Variants in FSTL4 observed in about 807,000 individuals in gnomAD.
FSTL4 encodes the protein follistatin-related protein 4.
Under a neutral mutation model 78.2 loss-of-function variants are expected in FSTL4, and 28 were observed. That is an observed-to-expected ratio of 0.36 (90% CI 0.27 to 0.49). FSTL4 has a LOEUF of 0.49. Among genes scored for constraint, FSTL4 ranks in the 20% least tolerant of loss-of-function variants. The pLI is 0.98. For missense variants in FSTL4, 922 were observed against 1,084.9 expected (o/e 0.85, Z 2.11); for synonymous variants, 422 against 440.5 (o/e 0.96, Z 0.53).
chr5:133,730,426 C>A, the FSTL4 span, among the ~76,000 whole-genome samples: 1 of 152,164 alleles, frequency 6.6e-6, no homozygotes, highest in Admixed American at 6.5e-5. Flanking sequence ...CTTTTATTCC[C>A]AGCTGTGTGA....
At chr5:133,571,251 C>T (rs569778985) in intron 2 of FSTL4, among the ~76,000 whole-genome samples, 1 of 152,280 alleles carries the variant, frequency 6.6e-6, no homozygotes, top group South Asian at 2.1e-4. Flanking sequence ...CAAATTATTC[C>T]TATTCTTGAG....
At chr5:133,371,910 G>C (rs1755314726) in intron 4 of FSTL4, among the ~76,000 whole-genome samples, 1 of 152,210 alleles carries the variant, frequency 6.6e-6, no homozygotes. Context: ...CCAGGGACGG[G>C]AAGCCCACTT....
At chr5:133,667,491 A>C in the FSTL4 span, among the ~76,000 whole-genome samples, 1 of 152,086 alleles carries the variant, frequency 6.6e-6, no homozygotes, top group African/African-American at 2.4e-5. Flanking sequence ...AAGTCCTTTA[A>C]ATGGTCCATA....
At chr5:133,331,962 G>A (rs1010314238) in intron 4 of FSTL4, among the ~76,000 whole-genome samples, 6 of 152,196 alleles carry the variant, frequency 3.9e-5, no homozygotes, top group Non-Finnish European at 7.3e-5. Flanking sequence ...TGTGAAAGTC[G>A]GTGCCAGGCG....
Position 133,225,545 on chromosome 5 carries a change from A to T in FSTL4, c.1177+113T>A, listed in dbSNP as rs1053452219. The T allele has an allele frequency of 3.8e-6, 4 of 1,041,806 alleles. No individual in the cohort carries two copies. In the African/African-American group the frequency reaches 4.8e-5, roughly 12 times the overall value. 64.5% of individuals were successfully genotyped at this position (1,041,806 alleles called of 1,614,324 possible). On this transcript the variant is annotated intron_variant, in intron 9 of 15. Transcript: ENST00000265342. The surrounding 1 kb of genome is among the most constrained non-coding windows in gnomAD (Gnocchi z 4.6). ...AGGGAAATTTGGGAGCCATCTGTTCACTCCTAACCTGTCTGACTTATAAAC... is the reference window on the plus strand; with the variant it reads ...AGGGAAATTTGGGAGCCATCTGTTCTCTCCTAACCTGTCTGACTTATAAAC...
chr5:133,632,131 G>T, the FSTL4 span, among the ~76,000 whole-genome samples: 1 of 152,066 alleles, frequency 6.6e-6, no homozygotes, highest in East Asian at 1.9e-4. Flanking sequence ...ATGTATCCCA[G>T]AACTTAAAGT....
intron 3 of FSTL4, among the ~76,000 whole-genome samples, chr5:133,523,919 A>C (rs1358756894): frequency 6.6e-6 from 1 of 152,250 alleles, no homozygotes; most frequent in Non-Finnish European, 1.5e-5. Context: ...ACAATTTCCC[A>C]TAATAACAAT....
intron 6 of FSTL4, among the ~76,000 whole-genome samples, chr5:133,254,858 T>A (rs1446502868): frequency 1.3e-5 from 2 of 152,204 alleles, no homozygotes; most frequent in Non-Finnish European, 2.9e-5. Flanking sequence ...TGGCCTTCTG[T>A]GTTCAGTGAT....
At chr5:133,809,712 C>A in the FSTL4 span, among the ~76,000 whole-genome samples, 1 of 152,160 alleles carries the variant, frequency 6.6e-6, no homozygotes, top group Non-Finnish European at 1.5e-5. Flanking sequence ...GAGTAAGGAC[C>A]AGTGTGAGGA....
At chr5:133,723,707 C>G in the FSTL4 span, among the ~76,000 whole-genome samples, 2 of 152,182 alleles carry the variant, frequency 1.3e-5, no homozygotes, top group Admixed American at 6.5e-5. Context: ...ATCTGCTTAG[C>G]CCCCAGGGAG....
At chr5:133,478,947 T>C (rs1052075972) in intron 3 of FSTL4, among the ~76,000 whole-genome samples, 1 of 152,146 alleles carries the variant, frequency 6.6e-6, no homozygotes, top group African/African-American at 2.4e-5. Flanking sequence ...ATAAAAATGA[T>C]TTCTCACCTC....
At chr5:133,719,459 C>T in the FSTL4 span, among the ~76,000 whole-genome samples, 2 of 151,962 alleles carry the variant, frequency 1.3e-5, no homozygotes, top group Admixed American at 6.6e-5. Flanking sequence ...CACCTGAGGT[C>T]GGGAGTTCGA....
the FSTL4 span, among the ~76,000 whole-genome samples, chr5:133,685,327 G>A: frequency 6.6e-6 from 1 of 152,124 alleles, no homozygotes; most frequent in South Asian, 2.1e-4. Context: ...ATGGCTCCTC[G>A]GAAGAAACAT....
chr5:133,335,721 T>G (rs188592639), intron 4 of FSTL4, among the ~76,000 whole-genome samples: 2 of 151,924 alleles, frequency 1.3e-5, no homozygotes, highest in Non-Finnish European at 2.9e-5. Flanking sequence ...TGCACTTGAC[T>G]TTCAACATTA....
intron 3 of FSTL4, among the ~76,000 whole-genome samples, chr5:133,536,321 C>T (rs962652505): frequency 2.0e-5 from 3 of 152,106 alleles, no homozygotes; most frequent in Non-Finnish European, 2.9e-5. Context: ...AAACTGGAAA[C>T]CTACAGTACA....
rs113949326 is a variant in FSTL4, at chr5:133,489,871, C to G, written c.160+77315G>C. ...TGAGATCAAAGGCTTACCTCTAGCC[C>G]TGAAAGCCAGCCTCCAGCCTGAAAC... is the stretch of plus-strand genomic sequence containing the variant. On this transcript the variant is annotated intron_variant, in intron 3 of 15. Transcript: ENST00000265342. Among the ~76,000 whole-genome samples the G allele has an allele frequency of 2.8e-3, 425 of 152,284 alleles. 4 individuals carry two copies. Among genetic ancestry groups the G allele is most frequent in the African/African-American group, 9.6e-3 (401 of 41,560 alleles).
At chr5:133,455,061 T>G (rs565569390) in intron 3 of FSTL4, among the ~76,000 whole-genome samples, 1 of 152,328 alleles carries the variant, frequency 6.6e-6, no homozygotes, top group East Asian at 1.9e-4. Flanking sequence ...AATGAAGGCA[T>G]GAGTGTCAGG....
At chr5:133,466,190 C>G (rs1053086560) in intron 3 of FSTL4, among the ~76,000 whole-genome samples, 1 of 152,248 alleles carries the variant, frequency 6.6e-6, no homozygotes, top group Non-Finnish European at 1.5e-5. Flanking sequence ...CCATCAATCT[C>G]TCTCTTCCCC....
At chr5:133,321,619 G>A (rs1045579136) in intron 4 of FSTL4, among the ~76,000 whole-genome samples, 5 of 152,352 alleles carry the variant, frequency 3.3e-5, no homozygotes, top group Non-Finnish European at 7.3e-5. Flanking sequence ...GCCGAGGCAG[G>A]TGGATTACCT....
Sources: allele counts gnomAD v4.1 joint callset (sites outside exome capture counted in the v4.1 genomes callset), GRCh38; gene constraint gnomAD v4.1.1; non-coding constraint Gnocchi (gnomAD v3.1); transcripts MANE v1.5; gene names NCBI Gene and HGNC (gene_info 2026-07-23, HGNC 2026-07-21).